SOX6: variants seen among roughly 807,000 people sequenced by gnomAD.
SOX6 encodes transcription factor SOX-6.
SOX6 carries 11 observed loss-of-function variants against 97.8 expected under a neutral mutation model. The observed-to-expected ratio is 0.11, with a 90% CI of 0.07 to 0.19. The LOEUF (loss-of-function observed/expected upper bound fraction) is 0.19. Ranked by LOEUF, SOX6 falls within the 10% of genes least tolerant of loss-of-function variation. The pLI, the probability that SOX6 is intolerant of heterozygous loss-of-function variation, is 1.00. For missense variants in SOX6, 810 were observed against 1,039.5 expected (o/e 0.78, Z 3.04); for synonymous variants, 360 against 371.4 (o/e 0.97, Z 0.35).
intron 3 of SOX6, among the ~76,000 whole-genome samples, chr11:16,253,276 G>A (rs1853572776): frequency 6.6e-6 from 1 of 151,870 alleles, no homozygotes; most frequent in African/African-American, 2.4e-5. Context: ...TTGAACCCAG[G>A]AGGCGGAGGT....
intron 4 of SOX6, among the ~76,000 whole-genome samples, chr11:16,560,289 TCTAA>T (rs1323118362): frequency 3.9e-5 from 6 of 152,258 alleles, no homozygotes; most frequent in Non-Finnish European, 5.9e-5. Context: ...ACTAAAATAT[TCTAA>T]CTCTTACTCT....
chr11:16,027,858 G>C (rs1855255395), intron 12 of SOX6, among the ~76,000 whole-genome samples: 1 of 152,186 alleles, frequency 6.6e-6, no homozygotes, highest in Non-Finnish European at 1.5e-5. Flanking sequence ...TTGATGGGAG[G>C]ACAAAGGGAA....
intron 4 of SOX6, among the ~76,000 whole-genome samples, chr11:16,589,001 G>T (rs1483768992): frequency 2.0e-5 from 3 of 152,196 alleles, no homozygotes; most frequent in Non-Finnish European, 4.4e-5. Context: ...TCCAGCCTCT[G>T]TGACAGAGTG....
intron 12 of SOX6, among the ~76,000 whole-genome samples, chr11:16,036,226 T>C (rs1161481852): frequency 2.0e-5 from 3 of 152,016 alleles, no homozygotes; most frequent in Non-Finnish European, 4.4e-5. Context: ...ATTACAGGCA[T>C]GCGCCACTAG....
intron 3 of SOX6, chr11:16,317,484 T>A (rs1855785768): frequency 1.3e-5 from 2 of 152,152 alleles, no homozygotes; most frequent in Admixed American, 1.3e-4. Context: ...TACTGTATTA[T>A]GACCCTAGGT....
At chr11:16,123,153 G>T (rs1210801582) in intron 6 of SOX6, among the ~76,000 whole-genome samples, 1 of 151,894 alleles carries the variant, frequency 6.6e-6, no homozygotes, top group Non-Finnish European at 1.5e-5. Flanking sequence ...AATCCTTACT[G>T]ATAGAAATGA....
In SOX6 at chr11:16,520,400, T is replaced by C. The variant is rs187275634; in HGVS notation, n.610-44012A>G. Among the ~76,000 whole-genome samples, 210 of 152,390 alleles carry C rather than the reference T, an allele frequency of 1.4e-3. 2 individuals carry two copies. The highest frequency in any genetic ancestry group is 4.9e-3 in the African/African-American group (203 of 41,594). ...TATGGTGAGATACAGGGGTTGTTTC[T>C]ATCTTCTGCATATGGCTAGCCATCA... On this transcript the variant is annotated intron_variant and non_coding_transcript_variant, in intron 4 of 5. Transcript: ENST00000524520.
intron 12 of SOX6, among the ~76,000 whole-genome samples, chr11:16,025,326 A>G (rs1564913130): frequency 6.6e-6 from 1 of 152,142 alleles, no homozygotes; most frequent in Non-Finnish European, 1.5e-5. Context: ...TTTCAGTAAA[A>G]AGTTCACAAA....
intron 3 of SOX6, among the ~76,000 whole-genome samples, chr11:16,694,621 T>C (rs1490811256): frequency 1.3e-5 from 2 of 152,262 alleles, no homozygotes; most frequent in Admixed American, 1.3e-4. Context: ...ATAGTATTTA[T>C]GTAATATTTC....
intron 1 of SOX6, among the ~76,000 whole-genome samples, chr11:16,381,038 A>AT (rs1392726093): frequency 6.6e-6 from 1 of 152,104 alleles, no homozygotes; most frequent in Admixed American, 6.6e-5. Context: ...CTTTATAATT[A>AT]TAGAAAAAAT....
intron 6 of SOX6, among the ~76,000 whole-genome samples, chr11:16,176,136 A>G (rs1851181152): frequency 6.6e-6 from 1 of 151,710 alleles, no homozygotes; most frequent in South Asian, 2.1e-4. Flanking sequence ...AGAGAGAGAG[A>G]TTCAACCTAA....
intron 6 of SOX6, among the ~76,000 whole-genome samples, chr11:16,129,156 C>T (rs945221440): frequency 6.6e-6 from 1 of 151,832 alleles, no homozygotes; most frequent in African/African-American, 2.4e-5. Flanking sequence ...GCATGAGCCA[C>T]CCCACCTGTC....
chr11:16,471,346 A>G (rs1000727732), intron 1 of SOX6, among the ~76,000 whole-genome samples: 1 of 152,114 alleles, frequency 6.6e-6, no homozygotes, highest in African/African-American at 2.4e-5. Flanking sequence ...CTTCCGGCCT[A>G]GGTAGTTGAT....
chr11:16,319,532 G>A, intron 2 of SOX6, among the ~76,000 whole-genome samples: 1 of 140,302 alleles, frequency 7.1e-6, no homozygotes, highest in African/African-American at 2.7e-5. Flanking sequence ...ACAGGCCCTG[G>A]TGTGTGATGT....
At position 16,095,996 on chromosome 11, in the gene SOX6, C is replaced by G. The variant is rs1434905927; in HGVS notation, c.1101G>C (p.Glu367Asp). The change falls in exon 9 of 16, where the codon GAG becomes GAC. Residue 367 changes from glutamate to aspartate, a missense_variant and splice_region_variant. Physicochemically the swap from Glu to Asp is conservative, Grantham distance 45. This residue lies in a region of SOX6 where 244 missense variants were observed against 261.0 expected (regional missense o/e 0.93). Transcript: ENST00000683767. ...GAAGCATCAATGGAAGCATTCATAC[C>G]TCAATCTGTTTGTGGTTGTAAGAGT... ...GGHSYNHKQI[E>D]QLYAAQLASM... 2 of 1,610,070 alleles carry G rather than the reference C, an allele frequency of 1.2e-6. No homozygotes were observed. The highest frequency in any genetic ancestry group is 1.1e-5 in the South Asian group (1 of 91,004).
chr11:16,367,835 T>C (rs907567694), intron 1 of SOX6, among the ~76,000 whole-genome samples: 1 of 152,170 alleles, frequency 6.6e-6, no homozygotes, highest in Non-Finnish European at 1.5e-5. Flanking sequence ...AAATAATACA[T>C]GTACATTATA....
chr11:16,445,709 T>C (rs1234629844), intron 1 of SOX6, among the ~76,000 whole-genome samples: 2 of 152,068 alleles, frequency 1.3e-5, no homozygotes, highest in Non-Finnish European at 2.9e-5. Context: ...CTGAGTTCAT[T>C]GAAGCTTAGA....
chr11:15,993,145 C>A (rs1251571891), intron 13 of SOX6, among the ~76,000 whole-genome samples: 1 of 151,842 alleles, frequency 6.6e-6, no homozygotes, highest in Non-Finnish European at 1.5e-5. Flanking sequence ...TCTGGAAAAC[C>A]CTTATAAATA....
chr11:15,973,615 A>G (rs1853380326), intron 15 of SOX6, among the ~76,000 whole-genome samples: 1 of 152,190 alleles, frequency 6.6e-6, no homozygotes, highest in Non-Finnish European at 1.5e-5. Flanking sequence ...GATTCAGCAA[A>G]GCATTTATTT....
Sources: gnomAD v4.1 joint callset for allele counts (sites outside exome capture counted in the v4.1 genomes callset) on GRCh38, gnomAD v4.1.1 for gene constraint, gnomAD v4.1.1 regional missense constraint, MANE v1.5 for transcripts, NCBI Gene and HGNC (gene_info 2026-07-23, HGNC 2026-07-21) for gene names.